TMEFF2: variants seen among roughly 807,000 people sequenced by gnomAD.
TMEFF2 encodes transmembrane protein with EGF like and two follistatin like domains 2, also known as tomoregulin-2.
Under a neutral mutation model 53.8 loss-of-function variants are expected in TMEFF2, and 28 were observed. The ratio of observed to expected loss-of-function variants is 0.52; its 90% CI spans 0.39 to 0.71. The LOEUF (loss-of-function observed/expected upper bound fraction) is 0.71. TMEFF2 is among the 30% of genes least tolerant of loss of function. The pLI is 0.00. For missense variants in TMEFF2, 353 were observed against 455.2 expected, an observed-to-expected ratio of 0.78 and a Z score of 2.04; for synonymous variants, 162 against 166.3, an observed-to-expected ratio of 0.97 and a Z score of 0.20.
chr2:191,996,999 G>A (rs1157298949), intron 7 of TMEFF2, among the ~76,000 whole-genome samples: 1 of 151,902 alleles, frequency 6.6e-6, no homozygotes, highest in South Asian at 2.1e-4. Context: ...AATAAAAGAT[G>A]TATGTCTCTT....
chr2:192,139,629 G>A (rs1318815532), intron 4 of TMEFF2, among the ~76,000 whole-genome samples: 1 of 152,170 alleles, frequency 6.6e-6, no homozygotes, highest in Non-Finnish European at 1.5e-5. Flanking sequence ...AAAGATTTAT[G>A]AGACTGTTAT....
chr2:192,003,678 T>C lies in TMEFF2; in HGVS notation c.537-4470A>G, dbSNP rs192156067. ...AGCATCAGTTGCTCAAAATATTTTA[T>C]CCTTAAATAAAATGCTATATAAAGA... On this transcript the variant is annotated intron_variant, in intron 5 of 9. Coordinates refer to ENST00000272771, the MANE Select transcript of TMEFF2 (RefSeq NM_016192.4). Among the ~76,000 whole-genome samples the C allele has an allele frequency of 2.9e-3, 435 of 152,300 alleles. 8 individuals carry two copies. The highest frequency in any genetic ancestry group is 0.026 in the South Asian group (126 of 4,824).
At chr2:192,021,884 T>G (rs1280036869) in intron 5 of TMEFF2, 1 of 152,234 alleles carries the variant, frequency 6.6e-6, no homozygotes, top group Non-Finnish European at 1.5e-5. Flanking sequence ...GCTTAGTTCT[T>G]TCATAATTCA....
chr2:192,021,029 A>G (rs1419997965), intron 5 of TMEFF2, among the ~76,000 whole-genome samples: 2 of 152,202 alleles, frequency 1.3e-5, no homozygotes, highest in Admixed American at 1.3e-4. Flanking sequence ...TTTCTTAAGC[A>G]TTGATCATTC....
chr2:192,091,749 G>C (rs1559122377), intron 4 of TMEFF2, among the ~76,000 whole-genome samples: 1 of 151,996 alleles, frequency 6.6e-6, no homozygotes, highest in East Asian at 1.9e-4. Context: ...TATTATCACA[G>C]TACTGAATTT....
chr2:192,029,814 A>T (rs1687083015), intron 5 of TMEFF2, among the ~76,000 whole-genome samples: 2 of 152,264 alleles, frequency 1.3e-5, no homozygotes, highest in South Asian at 4.1e-4. Context: ...CATTTTTAAA[A>T]AAATGAATAT....
chr2:191,990,955 G>A (rs2105826240), intron 7 of TMEFF2, among the ~76,000 whole-genome samples: 1 of 151,988 alleles, frequency 6.6e-6, no homozygotes, highest in East Asian at 1.9e-4. Flanking sequence ...GTTACATTGA[G>A]GAAAGCATAT....
At chr2:192,007,045 G>C (rs576752500) in intron 5 of TMEFF2, among the ~76,000 whole-genome samples, 1 of 152,204 alleles carries the variant, frequency 6.6e-6, no homozygotes, top group African/African-American at 2.4e-5. Context: ...CTTTCTGTGG[G>C]AGAAGGTTTG....
intron 5 of TMEFF2, among the ~76,000 whole-genome samples, chr2:192,052,790 G>C (rs1308114519): frequency 6.6e-6 from 1 of 152,034 alleles, no homozygotes; most frequent in Non-Finnish European, 1.5e-5. Context: ...CCCATAAACA[G>C]GCACACACAT....
chr2:192,106,944 T>C (rs1401842212), intron 4 of TMEFF2, among the ~76,000 whole-genome samples: 1 of 151,714 alleles, frequency 6.6e-6, no homozygotes, highest in Non-Finnish European at 1.5e-5. Flanking sequence ...AGGACTTTTA[T>C]AGGTGGAGTC....
At chr2:191,997,463 A>G (rs959627294) in intron 7 of TMEFF2, among the ~76,000 whole-genome samples, 1 of 151,720 alleles carries the variant, frequency 6.6e-6, no homozygotes, top group Non-Finnish European at 1.5e-5. Flanking sequence ...TTTTGATTGA[A>G]TATTTACCAT....
At chr2:191,968,430 C>T (rs1692529064) in intron 7 of TMEFF2, among the ~76,000 whole-genome samples, 1 of 152,154 alleles carries the variant, frequency 6.6e-6, no homozygotes, top group African/African-American at 2.4e-5. Context: ...GTATTGACAG[C>T]AGAATAGAAG....
chr2:192,023,215 A>G (rs11688477), intron 5 of TMEFF2, among the ~76,000 whole-genome samples: 149,347 of 152,254 alleles, frequency 0.98, 73,314 homozygotes, highest in East Asian at 1. Flanking sequence ...AAAATGGCTG[A>G]CCTTTGCCCT....
intron 4 of TMEFF2, chr2:192,177,174 T>C (rs1017649447): frequency 6.6e-6 from 1 of 151,240 alleles, no homozygotes; most frequent in African/African-American, 2.4e-5. Context: ...CAATCACTTT[T>C]GCTTTATTCA....
At chr2:191,999,527 C>G in intron 5 of TMEFF2, among the ~76,000 whole-genome samples, 1 of 151,930 alleles carries the variant, frequency 6.6e-6, no homozygotes, top group East Asian at 1.9e-4. Flanking sequence ...TATGAATAGG[C>G]TGAGGTCATG....
intron 9 of TMEFF2, among the ~76,000 whole-genome samples, chr2:191,952,225 A>G (rs1691908166): frequency 6.6e-6 from 1 of 152,206 alleles, no homozygotes; most frequent in African/African-American, 2.4e-5. Flanking sequence ...ATGTGCTTAC[A>G]CAATTCCTAG....
At chr2:192,149,313 A>C (rs1690328525) in intron 4 of TMEFF2, among the ~76,000 whole-genome samples, 1 of 151,972 alleles carries the variant, frequency 6.6e-6, no homozygotes, top group African/African-American at 2.4e-5. Flanking sequence ...TCATTTGCAC[A>C]AAAAGCAAGC....
chr2:191,999,303 A>G, intron 5 of TMEFF2, 95 bp from the exon 6 acceptor site: 2 of 1,164,580 alleles, frequency 1.7e-6, no homozygotes, highest in Non-Finnish European at 2.3e-6. Context: ...AGTTGACAAA[A>G]TGCAAGTTGG....
rs554394436 is a variant in TMEFF2 at position 192,142,520 on chromosome 2, C to T, written c.439+37148G>A. On this transcript the variant is annotated intron_variant, in intron 4 of 9. Transcript: ENST00000272771. ...GCAATTAGCCAATTCTTTTACTGGA[C>T]ATTATGGAATTACGGAATCCCATAA... 7.3e-4 allele frequency among the ~76,000 whole-genome samples: 111 copies of T among 152,018 alleles called. 1 individual carries two copies. The highest frequency in any genetic ancestry group is 2.6e-3 in the African/African-American group (107 of 41,468).
Sources: gnomAD v4.1 joint callset for allele counts (sites outside exome capture counted in the v4.1 genomes callset) on GRCh38, gnomAD v4.1.1 for gene constraint, MANE v1.5 for transcripts, NCBI Gene and HGNC (gene_info 2026-07-23, HGNC 2026-07-21) for gene names.